Variants in IKZF3 observed in about 807,000 individuals in gnomAD.
IKZF3 encodes the protein IKAROS family zinc finger 3, also known as zinc finger protein Aiolos.
A neutral mutation model predicts 49.0 loss-of-function variants in IKZF3; 10 were observed. That is an observed-to-expected ratio of 0.20 (90% CI 0.13 to 0.35). IKZF3 has a LOEUF of 0.35. Ranked by LOEUF, IKZF3 falls within the 10% of genes least tolerant of loss-of-function variation. IKZF3 has a pLI of 1.00. For synonymous variants in IKZF3, 209 were observed against 228.2 expected (o/e 0.92, Z 0.76); for missense variants, 498 against 664.8 (o/e 0.75, Z 2.76).
chr17:39,772,003 C>G (rs921173198), intron 7 of IKZF3, among the ~76,000 whole-genome samples: 3 of 151,846 alleles, frequency 2.0e-5, no homozygotes, highest in African/African-American at 7.3e-5. Context: ...CCACCTTGGT[C>G]TCCTAAAGTG....
intron 1 of IKZF3, among the ~76,000 whole-genome samples, chr17:39,862,706 T>C (rs2063247418): frequency 6.6e-6 from 1 of 152,162 alleles, no homozygotes; most frequent in Admixed American, 6.5e-5. Flanking sequence ...TAAAAAGTTA[T>C]TGATCTACAT....
intron 1 of IKZF3, among the ~76,000 whole-genome samples, chr17:39,862,340 A>G (rs543956650): frequency 6.6e-6 from 1 of 152,308 alleles, no homozygotes; most frequent in South Asian, 2.1e-4. Flanking sequence ...TGACCCCCAA[A>G]TTGGGCAGAA....
chr17:39,847,550 A>T (rs1439619421), intron 1 of IKZF3, among the ~76,000 whole-genome samples: 1 of 152,150 alleles, frequency 6.6e-6, no homozygotes, highest in African/African-American at 2.4e-5. Flanking sequence ...CTTTCTGGGA[A>T]CATACAGGAT....
At position 39,839,066 on chromosome 17, in the gene IKZF3, A is replaced by G. The variant is rs114772127; in HGVS notation, c.8-6915T>C. Among the ~76,000 whole-genome samples, 650 of 152,142 alleles carry G rather than the reference A, an allele frequency of 4.3e-3. 4 individuals carry two copies. The highest frequency in any genetic ancestry group is 0.015 in the African/African-American group (615 of 41,518). ...GGCTTGTCTTGAACTCCTGGCCTCA[A>G]GGAATCCTCTTGCCTTAGCTTCCCA... On this transcript the variant is annotated intron_variant, in intron 1 of 7. Transcript: ENST00000346872.
chr17:39,831,153 G>A (rs185712725), intron 2 of IKZF3, among the ~76,000 whole-genome samples: 2 of 152,160 alleles, frequency 1.3e-5, no homozygotes, highest in East Asian at 1.9e-4. Flanking sequence ...AGGCCGAGGC[G>A]GGCGGATCAC....
chr17:39,791,320 C>G, intron 5 of IKZF3, 96 bp downstream of exon 5: 1 of 1,297,836 alleles, frequency 7.7e-7, no homozygotes, highest in Non-Finnish European at 1.1e-6. Context: ...ACAAGAATGA[C>G]AGATTGAAAC....
intron 3 of IKZF3, among the ~76,000 whole-genome samples, chr17:39,821,980 C>T (rs1441349345): frequency 6.6e-6 from 1 of 152,128 alleles, no homozygotes; most frequent in Admixed American, 6.6e-5. Flanking sequence ...TATATAGGAT[C>T]CACAGCTCAC....
intron 6 of IKZF3, among the ~76,000 whole-genome samples, chr17:39,779,298 T>C (rs1325357409): frequency 6.6e-6 from 1 of 151,950 alleles, no homozygotes; most frequent in African/African-American, 2.4e-5. Flanking sequence ...CCATCTCTAC[T>C]AAAAATATAA....
intron 1 of IKZF3, chr17:39,836,093 C>A (rs1299399816): frequency 5.1e-5 from 34 of 660,316 alleles, no homozygotes; most frequent in Non-Finnish European, 7.7e-5. Flanking sequence ...ATGAAGGGGG[C>A]AAACTTGTTG....
At chr17:39,796,610 G>A (rs981041269) in intron 3 of IKZF3, among the ~76,000 whole-genome samples, 6 of 147,860 alleles carry the variant, frequency 4.1e-5, no homozygotes, top group East Asian at 2.0e-4. Flanking sequence ...GTGTGATCTC[G>A]GCTCACTGCA....
At chr17:39,814,381 A>T (rs1299719025) in intron 3 of IKZF3, among the ~76,000 whole-genome samples, 2 of 152,224 alleles carry the variant, frequency 1.3e-5, no homozygotes, top group African/African-American at 2.4e-5. Flanking sequence ...ACAATTAATT[A>T]AAAAAGAAAT....
rs2060142586 is a variant in IKZF3, at chr17:39,759,976, G to T, written c.*5814C>A. On this transcript the variant is annotated 3_prime_UTR_variant, in exon 8 of 8. Transcript: ENST00000346872. ...TCACAAGTCCCGATGCTGACTCTTTGAGTCCTCAGATAGCCAGGCTCTTTC... is the reference window on the plus strand; with the variant it reads ...TCACAAGTCCCGATGCTGACTCTTTTAGTCCTCAGATAGCCAGGCTCTTTC... 6.6e-6 allele frequency: 1 copy of T among 151,966 alleles called. No individual in the cohort carries two copies. The allele number at this position is 151,966 out of a possible 1,614,324, so 9.4% of individuals were successfully genotyped here.
chr17:39,789,986 T>C (rs982419252), intron 5 of IKZF3, among the ~76,000 whole-genome samples: 2 of 151,916 alleles, frequency 1.3e-5, no homozygotes, highest in Non-Finnish European at 2.9e-5. Context: ...GTTTCACCCA[T>C]ACAATTCATG....
intron 3 of IKZF3, among the ~76,000 whole-genome samples, chr17:39,808,169 G>A (rs2061475658): frequency 6.6e-6 from 1 of 152,168 alleles, no homozygotes; most frequent in Non-Finnish European, 1.5e-5. Flanking sequence ...GAAGCATCAT[G>A]GTAAGTATAG....
In IKZF3 at chr17:39,765,398, C is replaced by T. The variant is rs2143551378; in HGVS notation, c.*392G>A. On this transcript the variant is annotated 3_prime_UTR_variant, in exon 8 of 8. Coordinates refer to ENST00000346872, the MANE Select transcript of IKZF3 (RefSeq NM_012481.5). ...TCCCAGCAAGGTCAGCTGGTCAGCT[C>T]TTCCTCTTTGTGGATTTGCATGTAT... is the stretch of plus-strand genomic sequence containing the variant. The T allele has an allele frequency of 6.0e-6, 1 of 167,004 alleles. No homozygotes were observed. Among genetic ancestry groups the T allele is most frequent in the Non-Finnish European group, 1.3e-5 (1 of 76,842 alleles). The allele number at this position is 167,004 out of a possible 1,614,324, so 10.3% of individuals were successfully genotyped here.
At chr17:39,802,125 G>T (rs964688459) in intron 3 of IKZF3, among the ~76,000 whole-genome samples, 10 of 148,426 alleles carry the variant, frequency 6.7e-5, no homozygotes, top group African/African-American at 2.5e-4. Flanking sequence ...GGGAGGCTGA[G>T]GCAGGAGAAT....
chr17:39,793,036 A>G, intron 3 of IKZF3, 103 bp from the exon 4 acceptor site: 1 of 1,160,088 alleles, frequency 8.6e-7, no homozygotes, highest in Non-Finnish European at 1.2e-6. Flanking sequence ...TACCAATCGA[A>G]GCTAACAAAA....
intron 3 of IKZF3, among the ~76,000 whole-genome samples, chr17:39,814,983 C>T (rs899967040): frequency 2.0e-5 from 3 of 152,138 alleles, no homozygotes; most frequent in African/African-American, 7.2e-5. Flanking sequence ...TTTACCCCTA[C>T]AGCAGCTCCA....
chr17:39,807,897 T>C (rs572595116), intron 3 of IKZF3, among the ~76,000 whole-genome samples: 1 of 152,188 alleles, frequency 6.6e-6, no homozygotes, highest in African/African-American at 2.4e-5. Flanking sequence ...GGGGATCAAC[T>C]ACAAACAAGT....
Sources: gnomAD v4.1 joint callset for allele counts (sites outside exome capture counted in the v4.1 genomes callset) on GRCh38, gnomAD v4.1.1 for gene constraint, MANE v1.5 for transcripts, NCBI Gene and HGNC (gene_info 2026-07-23, HGNC 2026-07-21) for gene names.